Variants in KIF6 observed in about 807,000 individuals in gnomAD.
KIF6 encodes the protein kinesin family member 6, also known as kinesin-like protein KIF6.
Under a neutral mutation model 112.7 loss-of-function variants are expected in KIF6, and 106 were observed. The ratio of observed to expected loss-of-function variants is 0.94; its 90% CI spans 0.80 to 1.11. The LOEUF (loss-of-function observed/expected upper bound fraction) is 1.11. Among genes scored for constraint, KIF6 ranks in the 50% least tolerant of loss-of-function variants. The pLI, the probability that KIF6 is intolerant of heterozygous loss-of-function variation, is 0.00. For synonymous variants in KIF6, 339 were observed against 339.9 expected, an observed-to-expected ratio of 1.00 and a Z score of 0.03; for missense variants, 929 against 964.0, an observed-to-expected ratio of 0.96 and a Z score of 0.48.
At chr6:39,667,490 C>T (rs1009782485) in intron 3 of KIF6, among the ~76,000 whole-genome samples, 4 of 152,162 alleles carry the variant, frequency 2.6e-5, no homozygotes, top group Non-Finnish European at 1.5e-5. Context: ...CGGACTCATA[C>T]ACTAATCTCC....
chr6:39,345,852 G>T, intron 20 of KIF6, 63 bp from the exon 21 acceptor site: 2 of 1,215,188 alleles, frequency 1.6e-6, no homozygotes, highest in Non-Finnish European at 2.4e-6. Flanking sequence ...GGAAATTCAG[G>T]GTTTATATCT....
chr6:39,414,370 C>A (rs1022513188), intron 15 of KIF6, among the ~76,000 whole-genome samples: 3 of 152,232 alleles, frequency 2.0e-5, no homozygotes, highest in African/African-American at 7.2e-5. Context: ...CCTGAGAATA[C>A]AACCCTTCAA....
At chr6:39,444,421 T>C (rs1436752540) in intron 13 of KIF6, among the ~76,000 whole-genome samples, 1 of 152,220 alleles carries the variant, frequency 6.6e-6, no homozygotes, top group Non-Finnish European at 1.5e-5. Flanking sequence ...TCAACTTATA[T>C]AGTTAGTTAC....
intron 5 of KIF6, among the ~76,000 whole-genome samples, chr6:39,621,764 T>A (rs187351802): frequency 6.6e-6 from 1 of 152,230 alleles, no homozygotes; most frequent in South Asian, 2.1e-4. Flanking sequence ...TGAGAGGGAC[T>A]GTTTCACTAT....
chr6:39,428,062 C>A (rs1475017147), intron 14 of KIF6, among the ~76,000 whole-genome samples: 1 of 152,166 alleles, frequency 6.6e-6, no homozygotes, highest in African/African-American at 2.4e-5. Flanking sequence ...GGGGATCTTA[C>A]CTTAGGGATT....
At chr6:39,519,797 G>T (rs183913326) in intron 13 of KIF6, among the ~76,000 whole-genome samples, 26 of 152,096 alleles carry the variant, frequency 1.7e-4, no homozygotes, top group Non-Finnish European at 3.7e-4. Context: ...CAAGGCGGGT[G>T]GATCACCTGA....
intron 15 of KIF6, among the ~76,000 whole-genome samples, chr6:39,388,237 C>T (rs146306588): frequency 2.3e-3 from 357 of 152,200 alleles, no homozygotes; most frequent in Middle Eastern, 6.8e-3. Flanking sequence ...ATTTCTTCAG[C>T]GCCTATTGGA....
chr6:39,387,983 C>A (rs1246328370), intron 15 of KIF6, among the ~76,000 whole-genome samples: 2 of 152,120 alleles, frequency 1.3e-5, no homozygotes, highest in Non-Finnish European at 2.9e-5. Flanking sequence ...GTATCCGGCA[C>A]AGCCTTATAC....
intron 3 of KIF6, among the ~76,000 whole-genome samples, chr6:39,659,321 C>T (rs973180419): frequency 3.3e-5 from 5 of 152,140 alleles, no homozygotes; most frequent in African/African-American, 1.2e-4. Flanking sequence ...GGAAAATTAT[C>T]TCATTAATCT....
chr6:39,345,902 T>C, intron 20 of KIF6, 113 bp from the exon 21 acceptor site: 1 of 715,300 alleles, frequency 1.4e-6, no homozygotes, highest in East Asian at 2.7e-5. Context: ...TCAAAATCCC[T>C]ATGTGGACAC....
rs9471078 is a variant in KIF6 at position 39,342,859 on chromosome 6, G to A, written c.2428+850C>T. The A allele has an allele frequency of 0.067, 66,412 of 985,278 alleles. 2,563 individuals are homozygous for A. The highest frequency in any genetic ancestry group is 0.17 in the South Asian group (3,595 of 21,270). The allele number at this position is 985,278 out of a possible 1,614,324, so 61.0% of individuals were successfully genotyped here. A position where few individuals can be genotyped will look rare whatever the true frequency, so the allele number is the denominator to read the frequency against. On this transcript the variant is annotated intron_variant, in intron 22 of 22. Coordinates refer to ENST00000287152, the MANE Select transcript of KIF6 (RefSeq NM_145027.6). The surrounding 1 kb of genome is among the most constrained non-coding windows in gnomAD (Gnocchi z 4.7). ...ACCTCTTCCTGCCCAAACTGCACAC[G>A]GCTGGTGGAGAAGCTGAGTGCAGGC...
chr6:39,618,809 A>G (rs940544524), intron 5 of KIF6, among the ~76,000 whole-genome samples: 1 of 152,126 alleles, frequency 6.6e-6, no homozygotes, highest in Admixed American at 6.5e-5. Context: ...CTTTCAACCA[A>G]TTGCCAACCA....
rs1443033247 is a variant in KIF6 at position 39,590,449 on chromosome 6, A to ATTT, written c.847-4046_847-4045insAAA. The stretch of plus-strand genomic sequence containing the variant: ...TGTGTGTATATATATATATATATAT[A>ATTT]TATTTTTTTTTTTTTTTTGAGATGG... On this transcript the variant is annotated intron_variant, in intron 7 of 22. Coordinates refer to ENST00000287152, the MANE Select transcript of KIF6 (RefSeq NM_145027.6). Among the ~76,000 whole-genome samples the ATTT allele has an allele frequency of 9.5e-3, 913 of 96,420 alleles. 3 individuals carry two copies. The highest frequency in any genetic ancestry group is 0.012 in the Non-Finnish European group (605 of 49,642). The allele number at this position is 96,420 out of a possible 152,430, so 63.3% of individuals were successfully genotyped here.
intron 13 of KIF6, among the ~76,000 whole-genome samples, chr6:39,502,530 A>G (rs902768718): frequency 6.6e-6 from 1 of 152,236 alleles, no homozygotes; most frequent in African/African-American, 2.4e-5. Flanking sequence ...AAATGCCCCA[A>G]TTAAAAGACA....
At position 39,545,573 on chromosome 6, in the gene KIF6, T is replaced by C; in HGVS notation, c.1287+10A>G. The C allele has an allele frequency of 6.3e-7, 1 of 1,599,944 alleles. No homozygotes were observed. On this transcript the variant is annotated intron_variant, in intron 11 of 22. Coordinates refer to ENST00000287152, the MANE Select transcript of KIF6 (RefSeq NM_145027.6). The stretch of plus-strand genomic sequence containing the variant: ...AAAATGGCTTCTATTGGGGAAACAT[T>C]TAAGTTTACCTTTAAATGATGAAAA...
intron 5 of KIF6, among the ~76,000 whole-genome samples, chr6:39,625,556 A>G (rs911209971): frequency 1.3e-5 from 2 of 152,168 alleles, no homozygotes; most frequent in Non-Finnish European, 2.9e-5. Flanking sequence ...TGTGTCAGTA[A>G]TTAACTCAGT....
intron 10 of KIF6, among the ~76,000 whole-genome samples, chr6:39,562,168 G>A (rs1400088195): frequency 6.6e-6 from 1 of 152,166 alleles, no homozygotes; most frequent in Non-Finnish European, 1.5e-5. Context: ...GAACTCATGA[G>A]TTTTATCAGC....
At chr6:39,601,195 T>A (rs1782551327) in intron 6 of KIF6, among the ~76,000 whole-genome samples, 1 of 152,072 alleles carries the variant, frequency 6.6e-6, no homozygotes, top group Non-Finnish European at 1.5e-5. Context: ...TCTCCTTCCC[T>A]CCCTCTGTGT....
intron 13 of KIF6, among the ~76,000 whole-genome samples, chr6:39,503,514 C>CAA (rs200486437): frequency 2.0e-5 from 3 of 149,746 alleles, no homozygotes; most frequent in Admixed American, 6.6e-5. Context: ...AAAACCCCTT[C>CAA]AAAAAAAAAT....
Sources: gnomAD v4.1 joint callset for allele counts (sites outside exome capture counted in the v4.1 genomes callset) on GRCh38, gnomAD v4.1.1 for gene constraint, Gnocchi (gnomAD v3.1) non-coding constraint, MANE v1.5 for transcripts, NCBI Gene and HGNC (gene_info 2026-07-23, HGNC 2026-07-21) for gene names.